The following IFNAR1 variants were observed in gnomAD, a reference collection of about 807,000 sequenced individuals.
The protein encoded by IFNAR1 is interferon alpha and beta receptor subunit 1.
A neutral mutation model predicts 62.1 loss-of-function variants in IFNAR1; 47 were observed. The ratio of observed to expected loss-of-function variants is 0.76; its 90% CI spans 0.60 to 0.97. IFNAR1 has a LOEUF of 0.97. Among genes scored for constraint, IFNAR1 ranks in the 50% least tolerant of loss-of-function variants. The pLI, the probability that IFNAR1 is intolerant of heterozygous loss-of-function variation, is 0.00. For synonymous variants in IFNAR1, 219 were observed against 226.9 expected (o/e 0.97, Z 0.31); for missense variants, 638 against 654.5 (o/e 0.97, Z 0.27).
upstream of IFNAR1, chr21:33,324,855 G>C (rs2083107546): frequency 1.7e-6 from 1 of 584,796 alleles, no homozygotes; most frequent in South Asian, 2.0e-5. Context: ...AGGAGGAAAG[G>C]CGCGTGCGTG....
chr21:33,330,908 G>A (rs1275894222), intron 1 of IFNAR1, among the ~76,000 whole-genome samples: 1 of 152,196 alleles, frequency 6.6e-6, no homozygotes, highest in East Asian at 1.9e-4. Context: ...CCAAGCTGAG[G>A]AAGCTGCCTA....
chr21:33,355,627 AG>A lies in IFNAR1; in HGVS notation c.*79del. ...AGCCTGAGGTCCTCACCTTCCTCTCAGTAACTACAGAGAGGACGTTTCCCTG... is the reference window on the plus strand; with the variant it reads ...AGCCTGAGGTCCTCACCTTCCTCTCATAACTACAGAGAGGACGTTTCCCTG... On this transcript the variant is annotated 3_prime_UTR_variant, in exon 11 of 11. Transcript: ENST00000270139. The A allele has an allele frequency of 1.4e-6, 1 of 700,970 alleles. No homozygotes were observed. Among genetic ancestry groups the A allele is most frequent in the Non-Finnish European group, 2.4e-6 (1 of 414,826 alleles). The allele number at this position is 700,970 out of a possible 1,614,324, so 43.4% of individuals were successfully genotyped here.
At chr21:33,338,541 A>AAAAC (rs2083264283) in intron 2 of IFNAR1, among the ~76,000 whole-genome samples, 1 of 149,986 alleles carries the variant, frequency 6.7e-6, no homozygotes, top group South Asian at 2.1e-4. Context: ...CAAAAAAAAA[A>AAAAC]AAAAACCCAA....
intron 1 of IFNAR1, among the ~76,000 whole-genome samples, chr21:33,327,689 C>G (rs562094946): frequency 6.6e-6 from 1 of 152,292 alleles, no homozygotes; most frequent in East Asian, 1.9e-4. Flanking sequence ...CTGAAATCAA[C>G]TTAGAAAGTT....
chr21:33,335,820 A>G (rs1171918039), intron 2 of IFNAR1, among the ~76,000 whole-genome samples, 173 bp downstream of exon 2: 2 of 151,342 alleles, frequency 1.3e-5, no homozygotes, highest in African/African-American at 2.4e-5. Context: ...AGTCAAATAC[A>G]TCTTTGGGTG....
Position 33,343,256 on chromosome 21 carries a change from AT to A in IFNAR1, c.377-5del, listed in dbSNP as rs746934323. 4 of 1,606,256 alleles carry A rather than the reference AT, an allele frequency of 2.5e-6. No individual in the cohort carries two copies. The highest frequency in any genetic ancestry group is 3.4e-6 in the Non-Finnish European group (4 of 1,176,838). The stretch of plus-strand genomic sequence containing the variant: ...ATAAAGTTCCATAGTAATTGTTTTG[AT>A]TTTTTTGCAGCTCAGATTGGTCCTC... On this transcript the variant is annotated splice_polypyrimidine_tract_variant and intron_variant, in intron 3 of 10. Coordinates refer to ENST00000270139, the MANE Select transcript of IFNAR1 (RefSeq NM_000629.3).
intron 1 of IFNAR1, among the ~76,000 whole-genome samples, chr21:33,328,926 A>G (rs536098046): frequency 6.6e-6 from 1 of 152,138 alleles, no homozygotes; most frequent in African/African-American, 2.4e-5. Flanking sequence ...GTAAATTAAT[A>G]TATTGTATGT....
chr21:33,341,673 A>G (rs997053039), intron 3 of IFNAR1, among the ~76,000 whole-genome samples: 1 of 151,882 alleles, frequency 6.6e-6, no homozygotes, highest in African/African-American at 2.4e-5. Context: ...TAGGTTTATC[A>G]TTGTTATTTC....
At chr21:33,338,263 T>C (rs1012638435) in intron 2 of IFNAR1, among the ~76,000 whole-genome samples, 1 of 152,174 alleles carries the variant, frequency 6.6e-6, no homozygotes, top group Non-Finnish European at 1.5e-5. Context: ...CTGGGCATGG[T>C]GGCTCACACC....
intron 1 of IFNAR1, among the ~76,000 whole-genome samples, chr21:33,333,618 T>TC (rs2083202556): frequency 7.6e-6 from 1 of 131,824 alleles, no homozygotes. Flanking sequence ...CGGAATATTT[T>TC]TTTTTTTCTT....
chr21:33,340,946 CACTT>C (rs1601858462), intron 2 of IFNAR1, 49 bp from the exon 3 acceptor site: 1 of 1,112,772 alleles, frequency 9.0e-7, no homozygotes, highest in Non-Finnish European at 1.4e-6. Flanking sequence ...AAGTATTTGA[CACTT>C]ACATTTATAC....
intron 8 of IFNAR1, 78 bp from the exon 9 acceptor site, chr21:33,352,680 T>C (rs555064270): frequency 1.3e-6 from 1 of 777,790 alleles, no homozygotes; most frequent in South Asian, 2.0e-5. Context: ...AGACTGAACA[T>C]AAAAAATTGA....
chr21:33,351,566 T>TG (rs1279219396), intron 8 of IFNAR1, among the ~76,000 whole-genome samples: 2 of 150,656 alleles, frequency 1.3e-5, no homozygotes, highest in Admixed American at 6.6e-5. Flanking sequence ...TTTTTTTTTT[T>TG]GAGACAGGTT....
intron 6 of IFNAR1, 108 bp from the exon 7 acceptor site, chr21:33,348,983 G>T: frequency 1.5e-6 from 1 of 657,174 alleles, no homozygotes; most frequent in Non-Finnish European, 2.6e-6. Context: ...TGAGTTTCCT[G>T]AGTGTGGATA....
intron 1 of IFNAR1, among the ~76,000 whole-genome samples, chr21:33,333,731 C>T (rs1374155899): frequency 2.0e-5 from 3 of 150,154 alleles, no homozygotes; most frequent in Non-Finnish European, 1.5e-5. Flanking sequence ...TCACGCCATT[C>T]TCCTGCCTCA....
chr21:33,325,044 G>T lies in IFNAR1; in HGVS notation c.-12G>T. On this transcript the variant is annotated 5_prime_UTR_variant, in exon 1 of 11. Transcript: ENST00000270139. ...CGAACATGTAACTGGTGGGATCTGC[G>T]GCGGCTCCCAGATGATGGTCGTCCT... The T allele has an allele frequency of 1.3e-6, 2 of 1,588,766 alleles. No individual in the cohort carries two copies. Among genetic ancestry groups the T allele is most frequent in the Non-Finnish European group, 8.6e-7 (1 of 1,168,742 alleles).
intron 5 of IFNAR1, among the ~76,000 whole-genome samples, chr21:33,344,769 T>TTTACTTAC (rs750899103): frequency 8.7e-6 from 1 of 114,708 alleles, no homozygotes; most frequent in Admixed American, 1.0e-4. Flanking sequence ...TTTTTACTTA[T>TTTACTTAC]TTATTTATTT....
intron 1 of IFNAR1, chr21:33,335,197 C>A: frequency 1.9e-6 from 1 of 513,182 alleles, no homozygotes. Context: ...ACAGTTGAAC[C>A]TCATCATAAG....
At chr21:33,342,245 C>T (rs2843971) in intron 3 of IFNAR1, among the ~76,000 whole-genome samples, 57,660 of 151,554 alleles carry the variant, frequency 0.38, 11,102 homozygotes, top group Middle Eastern at 0.46. Flanking sequence ...CCCATCTCTA[C>T]AAAAAATATA....
Sources: allele counts gnomAD v4.1 joint callset (sites outside exome capture counted in the v4.1 genomes callset), GRCh38; gene constraint gnomAD v4.1.1; transcripts MANE v1.5; gene names NCBI Gene and HGNC (gene_info 2026-07-23, HGNC 2026-07-21).